Variants in PIK3R5 observed in about 807,000 individuals in gnomAD.
PIK3R5 encodes the protein phosphoinositide 3-kinase regulatory subunit 5.
Under a neutral mutation model 94.9 loss-of-function variants are expected in PIK3R5, and 32 were observed. The ratio of observed to expected loss-of-function variants is 0.34; its 90% confidence interval spans 0.25 to 0.45. The LOEUF (loss-of-function observed/expected upper bound fraction) is 0.45, where lower values mean the gene tolerates loss of function less well. Ranked by LOEUF, PIK3R5 falls within the 20% of genes least tolerant of loss-of-function variation. The pLI, the probability that PIK3R5 is intolerant of heterozygous loss-of-function variation, is 1.00. For synonymous variants in PIK3R5, 443 were observed against 479.4 expected, an observed-to-expected ratio of 0.92 and a Z score of 0.99; for missense variants, 853 against 1,144.6, an observed-to-expected ratio of 0.75 and a Z score of 3.68.
chr17:8,941,189 C>T (rs573253203), intron 1 of PIK3R5, among the ~76,000 whole-genome samples: 103 of 152,146 alleles, frequency 6.8e-4, no homozygotes, highest in African/African-American at 2.4e-3. Context: ...AGGGGTGTAG[C>T]GGGATAGATA....
intron 5 of PIK3R5, among the ~76,000 whole-genome samples, chr17:8,894,852 C>G (rs995643972): frequency 3.3e-5 from 5 of 150,612 alleles, no homozygotes. Context: ...GCAGGACGTC[C>G]CCTCAGAAGT....
intron 1 of PIK3R5, among the ~76,000 whole-genome samples, chr17:8,961,454 G>A (rs1027530776): frequency 6.6e-6 from 1 of 152,142 alleles, no homozygotes; most frequent in African/African-American, 2.4e-5. Context: ...GGCCAACTTG[G>A]CGAAACCCCA....
intron 1 of PIK3R5, among the ~76,000 whole-genome samples, chr17:8,914,310 T>A (rs1455770689): frequency 6.6e-6 from 1 of 152,146 alleles, no homozygotes; most frequent in African/African-American, 2.4e-5. Flanking sequence ...TTGACACTGG[T>A]ATAAACAGAC....
intron 1 of PIK3R5, among the ~76,000 whole-genome samples, chr17:8,919,884 CCTT>C (rs1188730069): frequency 5.0e-5 from 7 of 140,874 alleles, no homozygotes; most frequent in Non-Finnish European, 7.6e-5. Flanking sequence ...TTTTCTTTTT[CCTT>C]CTTTTTTTTT....
chr17:8,919,369 G>A (rs112691376), intron 1 of PIK3R5, among the ~76,000 whole-genome samples: 1 of 152,150 alleles, frequency 6.6e-6, no homozygotes, highest in African/African-American at 2.4e-5. Context: ...GTTATCAAAT[G>A]ATTCCCTACC....
At chr17:8,961,679 G>A (rs2091567805) in intron 1 of PIK3R5, among the ~76,000 whole-genome samples, 2 of 152,060 alleles carry the variant, frequency 1.3e-5, no homozygotes, top group Non-Finnish European at 2.9e-5. Context: ...AGTGACTCAC[G>A]CAGATGTGTA....
intron 14 of PIK3R5, among the ~76,000 whole-genome samples, chr17:8,885,576 A>G (rs1288296493): frequency 6.2e-5 from 4 of 64,002 alleles, no homozygotes; most frequent in Admixed American, 1.7e-4. Context: ...CACCTACCGG[A>G]CAACCCCGCC....
chr17:8,889,085 AAC>A lies in PIK3R5; in HGVS notation c.895+52_895+53del, dbSNP rs2089958326. 12 of 1,564,660 alleles carry A rather than the reference AAC, an allele frequency of 7.7e-6. No individual in the cohort carries two copies. In the South Asian group the frequency reaches 1.3e-4, roughly 17 times the overall value. ...GGAGCTGCATGGACCCAGGACCAGAAACACAGCTCAGGCAGTGTGGGGCATGG... is the reference window on the plus strand; with the variant it reads ...GGAGCTGCATGGACCCAGGACCAGAAACAGCTCAGGCAGTGTGGGGCATGG... On this transcript the variant is annotated intron_variant, in intron 9 of 18. Transcript: ENST00000447110. This position sits in a 1 kb window ranked among gnomAD's most constrained non-coding sequence, Gnocchi z 4.1.
chr17:8,948,042 T>TAAAAAAAAAAAAAAAAAAAAAAA (rs71135932), intron 1 of PIK3R5, among the ~76,000 whole-genome samples: 1 of 62,782 alleles, frequency 1.6e-5, no homozygotes, highest in Non-Finnish European at 3.0e-5. Flanking sequence ...GACTCCGTCT[T>TAAAAAAAAAAAAAAAAAAAAAAA]AAAAAAAAAA....
Position 8,893,541 on chromosome 17 carries a change from C to G in PIK3R5, c.482+45G>C. 6.6e-7 allele frequency: 1 copy of G among 1,506,608 alleles called. No individual in the cohort carries two copies. The highest frequency in any genetic ancestry group is 9.2e-7 in the Non-Finnish European group (1 of 1,082,668). 93.3% of individuals were successfully genotyped at this position (1,506,608 alleles called of 1,614,324 possible). Reference sequence around the variant, plus strand: ...GTGAAGGTGGAACAGTGCAGGGGTCCCAAACTCCCTCCCCACTGTTTCTCC... The same window carrying G: ...GTGAAGGTGGAACAGTGCAGGGGTCGCAAACTCCCTCCCCACTGTTTCTCC... On this transcript the variant is annotated intron_variant, in intron 6 of 18. Coordinates refer to ENST00000447110, the MANE Select transcript of PIK3R5 (RefSeq NM_001142633.3). This position sits in a 1 kb window ranked among gnomAD's most constrained non-coding sequence, Gnocchi z 5.1.
At chr17:8,905,794 A>G in intron 3 of PIK3R5, 57 bp from the exon 4 acceptor site, 1 of 1,164,070 alleles carries the variant, frequency 8.6e-7, no homozygotes, top group Admixed American at 2.3e-5. Context: ...GGGCTCCCTG[A>G]GGCAGAATAC....
intron 1 of PIK3R5, among the ~76,000 whole-genome samples, chr17:8,914,985 CAGCT>C (rs1470111302): frequency 6.6e-6 from 1 of 152,248 alleles, no homozygotes; most frequent in African/African-American, 2.4e-5. Context: ...TAAAGTCACA[CAGCT>C]AGGAGATGGC....
chr17:8,929,214 A>G (rs2090944341), intron 1 of PIK3R5, among the ~76,000 whole-genome samples: 1 of 152,238 alleles, frequency 6.6e-6, no homozygotes, highest in Admixed American at 6.5e-5. Flanking sequence ...CATATCAGTA[A>G]TTACATTATA....
intron 1 of PIK3R5, among the ~76,000 whole-genome samples, chr17:8,946,356 A>ACGC (rs2091269946): frequency 6.6e-6 from 1 of 151,912 alleles, no homozygotes; most frequent in Admixed American, 6.6e-5. Context: ...AATTACTGTG[A>ACGC]CACCATCCAC....
chr17:8,891,394 C>T (rs1412022268), intron 6 of PIK3R5, among the ~76,000 whole-genome samples: 2 of 151,912 alleles, frequency 1.3e-5, no homozygotes, highest in Admixed American at 6.6e-5. Context: ...TGCATCTGCC[C>T]GGAGGAGGGG....
At chr17:8,897,695 A>G (rs1397615954) in intron 5 of PIK3R5, among the ~76,000 whole-genome samples, 1 of 151,942 alleles carries the variant, frequency 6.6e-6, no homozygotes, top group East Asian at 1.9e-4. Context: ...CAATTTCTCA[A>G]CCTCCCTTGC....
At position 8,925,208 on chromosome 17, in the gene PIK3R5, A is replaced by G. The variant is rs1399754245; in HGVS notation, c.-13-13701T>C. On this transcript the variant is annotated intron_variant, in intron 1 of 18. Coordinates refer to ENST00000447110, the MANE Select transcript of PIK3R5 (RefSeq NM_001142633.3). This position sits in a 1 kb window ranked among gnomAD's most constrained non-coding sequence, Gnocchi z 5.1. ...AGATAGACAGAAAGTAGATGGATAGATAGATAGATAGTAGATGGATAGATA... is the reference window on the plus strand; with the variant it reads ...AGATAGACAGAAAGTAGATGGATAGGTAGATAGATAGTAGATGGATAGATA... Among the ~76,000 whole-genome samples, 2 of 152,040 alleles carry G rather than the reference A, an allele frequency of 1.3e-5. No individual in the cohort carries two copies. The highest frequency in any genetic ancestry group is 2.9e-5 in the Non-Finnish European group (2 of 68,032).
Position 8,911,640 on chromosome 17 carries a change from C to A in PIK3R5, c.-13-133G>T. ...AGCTATAGCTCAGGTGCTGTGGAAA[C>A]AGGACCAGGGGCCTTACAGCTGCCT... On this transcript the variant is annotated intron_variant, in intron 1 of 18. Coordinates refer to ENST00000447110, the MANE Select transcript of PIK3R5 (RefSeq NM_001142633.3). The surrounding 1 kb of genome is among the most constrained non-coding windows in gnomAD (Gnocchi z 5.3). The A allele has an allele frequency of 1.6e-6, 1 of 624,296 alleles. No individual in the cohort carries two copies. The highest frequency in any genetic ancestry group is 1.9e-5 in the South Asian group (1 of 51,760). The allele number at this position is 624,296 out of a possible 1,614,324, so 38.7% of individuals were successfully genotyped here.
At chr17:8,957,905 G>A (rs1040857796) in intron 1 of PIK3R5, among the ~76,000 whole-genome samples, 3 of 152,164 alleles carry the variant, frequency 2.0e-5, no homozygotes, top group African/African-American at 7.2e-5. Flanking sequence ...GCTGTCACAG[G>A]GCGTGGGAGA....
Sources: gnomAD v4.1 joint callset for allele counts (sites outside exome capture counted in the v4.1 genomes callset) on GRCh38, gnomAD v4.1.1 for gene constraint, Gnocchi (gnomAD v3.1) non-coding constraint, MANE v1.5 for transcripts, NCBI Gene and HGNC (gene_info 2026-07-23, HGNC 2026-07-21) for gene names.